The following RBFOX3 variants were observed in gnomAD, a reference collection of about 807,000 sequenced individuals.
The protein encoded by RBFOX3 is RNA binding fox-1 homolog 3, also known as RNA binding protein fox-1 homolog 3.
RBFOX3 carries 17 observed loss-of-function variants against 48.7 expected under a neutral mutation model. That is an observed-to-expected ratio of 0.35 (90% CI 0.24 to 0.52). The LOEUF is 0.52. Among genes scored for constraint, RBFOX3 ranks in the 20% least tolerant of loss-of-function variants. The probability of loss-of-function intolerance (pLI) is 0.94; values close to 1 mark genes in which losing one functional copy is unlikely to be tolerated. For synonymous variants in RBFOX3, 212 were observed against 209.5 expected (o/e 1.01, Z -0.10); for missense variants, 382 against 497.5 (o/e 0.77, Z 2.21).
At chr17:79,097,271 T>C in intron 11 of RBFOX3, 21 bp downstream of exon 11, 2 of 1,232,436 alleles carry the variant, frequency 1.6e-6, no homozygotes, top group South Asian at 1.6e-5. Flanking sequence ...CCTCCACGCC[T>C]CCCCCGGCCC....
At chr17:79,360,238 C>T (rs993392127) in intron 2 of RBFOX3, among the ~76,000 whole-genome samples, 3 of 152,084 alleles carry the variant, frequency 2.0e-5, no homozygotes, top group East Asian at 3.9e-4. Context: ...ACAACGATAT[C>T]GATATCTGAA....
intron 2 of RBFOX3, among the ~76,000 whole-genome samples, chr17:79,476,137 G>A (rs1268937467): frequency 2.0e-4 from 30 of 152,318 alleles, no homozygotes; most frequent in African/African-American, 7.2e-4. Flanking sequence ...TTTCCATCTG[G>A]GGAGCAGCGG....
chr17:79,321,505 G>C (rs566578409), intron 2 of RBFOX3, among the ~76,000 whole-genome samples: 3 of 152,268 alleles, frequency 2.0e-5, no homozygotes, highest in Admixed American at 1.3e-4. Flanking sequence ...ATTTTCCCAT[G>C]GAGCGCAGGT....
chr17:79,580,656 T>C (rs1319740337), intron 1 of RBFOX3, among the ~76,000 whole-genome samples: 1 of 152,282 alleles, frequency 6.6e-6, no homozygotes, highest in African/African-American at 2.4e-5. Context: ...TTTTTGCTCA[T>C]GCTATGTTCC....
At chr17:79,246,546 C>T (rs1474780761) in intron 3 of RBFOX3, among the ~76,000 whole-genome samples, 1 of 152,228 alleles carries the variant, frequency 6.6e-6, no homozygotes, top group Non-Finnish European at 1.5e-5. Context: ...CAGAGTTCAG[C>T]AATGATGGTG....
intron 2 of RBFOX3, among the ~76,000 whole-genome samples, chr17:79,383,197 A>G (rs777519718): frequency 6.6e-6 from 1 of 152,204 alleles, no homozygotes; most frequent in Non-Finnish European, 1.5e-5. Context: ...ACCAGGGACA[A>G]TATCACATCA....
intron 3 of RBFOX3, among the ~76,000 whole-genome samples, chr17:79,291,805 G>T (rs1343705330): frequency 6.6e-5 from 10 of 152,178 alleles, no homozygotes; most frequent in Non-Finnish European, 8.8e-5. Flanking sequence ...GACCTCATGT[G>T]GTTCCCCTCT....
At chr17:79,649,534 C>T in the RBFOX3 span, among the ~76,000 whole-genome samples, 1 of 152,102 alleles carries the variant, frequency 6.6e-6, no homozygotes, top group East Asian at 1.9e-4. Flanking sequence ...GGTGAAACCC[C>T]GTCTCTACGA....
At chr17:79,158,893 T>C (rs55912761) in intron 4 of RBFOX3, among the ~76,000 whole-genome samples, 256 of 152,240 alleles carry the variant, frequency 1.7e-3, no homozygotes, top group Middle Eastern at 3.4e-3. Flanking sequence ...CTCCCAGAGA[T>C]GGACTCTCAC....
intron 4 of RBFOX3, among the ~76,000 whole-genome samples, chr17:79,232,894 A>G (rs1381715351): frequency 1.3e-5 from 2 of 152,230 alleles, no homozygotes; most frequent in African/African-American, 4.8e-5. Context: ...AAGAACTGCA[A>G]TTCTCACCCA....
At chr17:79,413,560 T>C (rs78681325) in intron 2 of RBFOX3, among the ~76,000 whole-genome samples, 17,832 of 152,290 alleles carry the variant, frequency 0.12, 1,124 homozygotes, top group African/African-American at 0.13. Context: ...CCACACTTCA[T>C]CAGGGAGCAG....
chr17:79,628,314 C>G, the RBFOX3 span, among the ~76,000 whole-genome samples: 2 of 152,216 alleles, frequency 1.3e-5, no homozygotes, highest in African/African-American at 4.8e-5. Flanking sequence ...GCTTCCTGCT[C>G]AGACCTCTGC....
intron 9 of RBFOX3, chr17:79,098,415 C>T (rs1237289672): frequency 1.3e-5 from 2 of 152,426 alleles, no homozygotes; most frequent in African/African-American, 4.8e-5. Flanking sequence ...GTGAGCCACA[C>T]AGACTGTTCG....
chr17:79,461,767 G>T (rs1263591000), intron 2 of RBFOX3, among the ~76,000 whole-genome samples: 5 of 152,212 alleles, frequency 3.3e-5, no homozygotes, highest in Non-Finnish European at 7.3e-5. Context: ...CCAATGACTG[G>T]CATGTTTATA....
chr17:79,156,892 C>T (rs1030041236), intron 4 of RBFOX3, among the ~76,000 whole-genome samples: 4 of 152,186 alleles, frequency 2.6e-5, no homozygotes, highest in East Asian at 1.9e-4. Context: ...TGCTGGCAGG[C>T]GCGGGGACTC....
rs564031322 is a variant in RBFOX3, at chr17:79,539,900, G to C, written c.-319-57302C>G. Among the ~76,000 whole-genome samples, 3 of 152,276 alleles carry C rather than the reference G, an allele frequency of 2.0e-5. No individual in the cohort carries two copies. The South Asian group carries it at 6.2e-4, about 32-fold the overall frequency. On this transcript the variant is annotated intron_variant, in intron 1 of 14. Coordinates refer to ENST00000693108, the MANE Select transcript of RBFOX3 (RefSeq NM_001350451.2). ...GAACACGGTTTTGTTTGGGTTTTTA[G>C]TGTAAGTAGGTCCCACGCGATGTGT... is the stretch of plus-strand genomic sequence containing the variant.
intron 1 of RBFOX3, among the ~76,000 whole-genome samples, chr17:79,491,891 C>T (rs2080726260): frequency 1.3e-5 from 2 of 152,114 alleles, no homozygotes; most frequent in African/African-American, 2.4e-5. Flanking sequence ...ACCAGCCTGG[C>T]CAACATGGTG....
At chr17:79,297,996 G>A (rs2074675469) in intron 3 of RBFOX3, among the ~76,000 whole-genome samples, 1 of 152,236 alleles carries the variant, frequency 6.6e-6, no homozygotes, top group African/African-American at 2.4e-5. Flanking sequence ...CTTGTGGAGA[G>A]TTCGCCATCA....
At chr17:79,160,355 T>C (rs940528000) in intron 4 of RBFOX3, among the ~76,000 whole-genome samples, 4 of 152,186 alleles carry the variant, frequency 2.6e-5, no homozygotes, top group Non-Finnish European at 4.4e-5. Flanking sequence ...GCAGACAGCA[T>C]GGCAGTGTGG....
Sources: allele counts gnomAD v4.1 joint callset (sites outside exome capture counted in the v4.1 genomes callset), GRCh38; gene constraint gnomAD v4.1.1; transcripts MANE v1.5; gene names NCBI Gene and HGNC (gene_info 2026-07-23, HGNC 2026-07-21).